The following AFF3 variants were observed in gnomAD, a reference collection of about 807,000 sequenced individuals.
AFF3 encodes ALF transcription elongation factor 3.
A neutral mutation model predicts 129.7 loss-of-function variants in AFF3; 32 were observed. The ratio of observed to expected loss-of-function variants is 0.25; its 90% CI spans 0.19 to 0.33. The LOEUF is 0.33. Among genes scored for constraint, AFF3 ranks in the 10% least tolerant of loss-of-function variants. The probability of loss-of-function intolerance (pLI) is 1.00; values close to 1 mark genes in which losing one functional copy is unlikely to be tolerated. For synonymous variants in AFF3, 644 were observed against 635.4 expected (o/e 1.01, Z -0.20); for missense variants, 1,373 against 1,592.0 (o/e 0.86, Z 2.34).
chr2:99,583,827 C>A (rs921885354), intron 16 of AFF3, among the ~76,000 whole-genome samples: 13 of 151,982 alleles, frequency 8.6e-5, no homozygotes, highest in Non-Finnish European at 1.5e-4. Flanking sequence ...CGAGGACTCC[C>A]GAGTAGCTGG....
chr2:99,689,626 G>A (rs1459033736), intron 11 of AFF3, among the ~76,000 whole-genome samples: 2 of 129,644 alleles, frequency 1.5e-5, no homozygotes, highest in Non-Finnish European at 3.1e-5. Flanking sequence ...TATCTCCAGT[G>A]CCTTGGAGAC....
rs3828311 is a variant in AFF3, at chr2:99,555,846, A to C, written c.3286-1114T>G. On this transcript the variant is annotated intron_variant, in intron 22 of 24. Coordinates refer to ENST00000672756, the MANE Select transcript of AFF3 (RefSeq NM_001386135.1). ...GCCTGTCAGAACTCTGAGGTGCTAC[A>C]ATGGCAAGATGTAAATGTAAGGACA... 4.0e-3 allele frequency among the ~76,000 whole-genome samples: 616 copies of C among 152,316 alleles called. 18 individuals carry two copies. In the East Asian group the frequency reaches 0.097, roughly 24 times the overall value.
intron 9 of AFF3, among the ~76,000 whole-genome samples, chr2:99,748,924 C>T (rs1394972564): frequency 6.6e-6 from 1 of 152,170 alleles, no homozygotes; most frequent in African/African-American, 2.4e-5. Context: ...ATTCTCCTCA[C>T]TGCTTCTGTG....
intron 7 of AFF3, among the ~76,000 whole-genome samples, chr2:99,845,756 A>C (rs1233793847): frequency 6.6e-6 from 1 of 152,324 alleles, no homozygotes; most frequent in East Asian, 1.9e-4. Context: ...CATTACAGGC[A>C]AACTTCAGTG....
chr2:99,769,153 A>AAG (rs1683261178), intron 8 of AFF3, among the ~76,000 whole-genome samples: 1 of 151,998 alleles, frequency 6.6e-6, no homozygotes, highest in South Asian at 2.1e-4. Context: ...TATTTTCTAC[A>AAG]TCTTATACCT....
At chr2:100,136,250 C>A (rs1211760930) in intron 1 of AFF3, among the ~76,000 whole-genome samples, 1 of 152,160 alleles carries the variant, frequency 6.6e-6, no homozygotes. Flanking sequence ...TGGACCAGAT[C>A]ATCTGGGAGC....
chr2:99,850,968 C>A (rs933640287), intron 7 of AFF3, among the ~76,000 whole-genome samples: 1 of 152,134 alleles, frequency 6.6e-6, no homozygotes, highest in Non-Finnish European at 1.5e-5. Context: ...TATTTAACTT[C>A]AAGCATTCAG....
intron 18 of AFF3, among the ~76,000 whole-genome samples, chr2:99,570,494 G>A (rs1017412880): frequency 6.6e-6 from 1 of 152,082 alleles, no homozygotes; most frequent in African/African-American, 2.4e-5. Context: ...GTGCCACTAT[G>A]CCTGGCTAAC....
At chr2:100,127,686 C>T in intron 2 of AFF3, among the ~76,000 whole-genome samples, 1 of 152,344 alleles carries the variant, frequency 6.6e-6, no homozygotes, top group Non-Finnish European at 1.5e-5. Flanking sequence ...GGAGAGCTCC[C>T]AGGATGGCAG....
At chr2:99,628,723 A>ATTTTTTT (rs3073407) in intron 13 of AFF3, among the ~76,000 whole-genome samples, 28,592 of 92,204 alleles carry the variant, frequency 0.31, 6,983 homozygotes, top group African/African-American at 0.48. Flanking sequence ...TGCTTGACTG[A>ATTTTTTT]TTTTTTTTTT....
intron 11 of AFF3, among the ~76,000 whole-genome samples, chr2:99,719,451 T>A (rs1411572625): frequency 6.6e-6 from 1 of 152,224 alleles, no homozygotes; most frequent in Non-Finnish European, 1.5e-5. Context: ...GGTTTTGGTA[T>A]CAGGGTTGTA....
At chr2:99,635,222 A>G (rs764944010) in intron 13 of AFF3, among the ~76,000 whole-genome samples, 2 of 151,802 alleles carry the variant, frequency 1.3e-5, no homozygotes, top group Non-Finnish European at 2.9e-5. Flanking sequence ...ATATACACAT[A>G]TCTATGTATA....
At chr2:100,065,854 T>C (rs1687680947) in intron 4 of AFF3, among the ~76,000 whole-genome samples, 1 of 152,226 alleles carries the variant, frequency 6.6e-6, no homozygotes, top group South Asian at 2.1e-4. Context: ...GTCACTTATC[T>C]GCTTAAAATT....
chr2:99,790,481 T>C (rs1685117843), intron 8 of AFF3, among the ~76,000 whole-genome samples: 2 of 152,258 alleles, frequency 1.3e-5, no homozygotes, highest in South Asian at 4.1e-4. Context: ...GCTGTATTCA[T>C]GCATTTGAGG....
intron 13 of AFF3, among the ~76,000 whole-genome samples, chr2:99,636,997 C>G (rs977597262): frequency 6.6e-6 from 1 of 152,042 alleles, no homozygotes; most frequent in Non-Finnish European, 1.5e-5. Context: ...TGTGCTCCAG[C>G]TGGCTCTGGG....
At chr2:99,578,656 C>T (rs1234907167) in intron 17 of AFF3, among the ~76,000 whole-genome samples, 1 of 152,194 alleles carries the variant, frequency 6.6e-6, no homozygotes, top group Non-Finnish European at 1.5e-5. Context: ...TCTCAACTGT[C>T]ATTCTTATGA....
At chr2:99,584,271 CAGCCT>C (rs1460675437) in intron 16 of AFF3, among the ~76,000 whole-genome samples, 1 of 151,480 alleles carries the variant, frequency 6.6e-6, no homozygotes. Context: ...AGTTCGAGAC[CAGCCT>C]GGCCAACACG....
At chr2:99,880,638 C>G (rs767387072) in intron 7 of AFF3, among the ~76,000 whole-genome samples, 3 of 152,254 alleles carry the variant, frequency 2.0e-5, no homozygotes, top group Non-Finnish European at 4.4e-5. Context: ...CCAAAAGGTG[C>G]TACCCACCCT....
At chr2:100,076,821 C>T (rs974865694) in intron 4 of AFF3, among the ~76,000 whole-genome samples, 1 of 152,168 alleles carries the variant, frequency 6.6e-6, no homozygotes, top group Admixed American at 6.5e-5. Context: ...GGTGTCCCAG[C>T]TCTGTAATGC....
Sources: gnomAD v4.1 joint callset for allele counts (sites outside exome capture counted in the v4.1 genomes callset) on GRCh38, gnomAD v4.1.1 for gene constraint, MANE v1.5 for transcripts, NCBI Gene and HGNC (gene_info 2026-07-23, HGNC 2026-07-21) for gene names.